SNAP91: variants seen among roughly 807,000 people sequenced by gnomAD.
SNAP91 encodes synaptosome associated protein 91, also known as clathrin coat assembly protein AP180.
SNAP91 carries 27 observed loss-of-function variants against 100.3 expected under a neutral mutation model. The ratio of observed to expected loss-of-function variants is 0.27; its 90% CI spans 0.20 to 0.37. The LOEUF (loss-of-function observed/expected upper bound fraction) is 0.37. Among genes scored for constraint, SNAP91 ranks in the 10% least tolerant of loss-of-function variants. The pLI, the probability that SNAP91 is intolerant of heterozygous loss-of-function variation, is 1.00. For synonymous variants in SNAP91, 404 were observed against 398.6 expected (o/e 1.01, Z -0.16); for missense variants, 986 against 1,123.7 (o/e 0.88, Z 1.75).
At position 83,680,649 on chromosome 6, in the gene SNAP91, C is replaced by T. The variant is rs550002717; in HGVS notation, c.131-15068G>A. Among the ~76,000 whole-genome samples the T allele has an allele frequency of 1.4e-4, 21 of 152,240 alleles. No individual in the cohort carries two copies. In the South Asian group the frequency reaches 4.1e-3, roughly 30 times the overall value. The stretch of plus-strand genomic sequence containing the variant: ...GGGTATTTTCTTGAGTTCTCTAGTG[C>T]TCAGTCTAGAACAAGTTTCTTAGCC... On this transcript the variant is annotated intron_variant, in intron 2 of 29. Transcript: ENST00000369694.
chr6:83,597,529 G>A (rs914648838), intron 16 of SNAP91, among the ~76,000 whole-genome samples: 7 of 151,990 alleles, frequency 4.6e-5, no homozygotes, highest in Non-Finnish European at 4.4e-5. Context: ...CTAGAAATGC[G>A]TGCTCCTGCT....
chr6:83,611,290 G>A, intron 11 of SNAP91: 1 of 323,334 alleles, frequency 3.1e-6, no homozygotes, highest in Non-Finnish European at 6.1e-6. Context: ...GTGGGAGCTA[G>A]GAAAAAAACA....
At chr6:83,695,946 G>A (rs1345236066) in intron 2 of SNAP91, among the ~76,000 whole-genome samples, 1 of 122,990 alleles carries the variant, frequency 8.1e-6, no homozygotes, top group Non-Finnish European at 1.6e-5. Context: ...GGGGAGGGGG[G>A]TGGGAAAGAA....
At position 83,601,591 on chromosome 6, in the gene SNAP91, C is replaced by T. The variant is rs1261051221; in HGVS notation, c.1150G>A (p.Gly384Arg). 1 of 1,613,452 alleles carries T rather than the reference C, an allele frequency of 6.2e-7. No homozygotes were observed. The highest frequency in any genetic ancestry group is 1.7e-5 in the Admixed American group (1 of 59,958). ...AAAACAAAGCTTTACTCACCCTCTCCCAAAAGGTCTACCGATGTCCATTAC... is the reference window on the plus strand; with the variant it reads ...AAAACAAAGCTTTACTCACCCTCTCTCAAAAGGTCTACCGATGTCCATTAC... ...GGATAWGDLL[G>R]EDSLAALSSV... Residue 384 changes from glycine (G) to arginine (R), a missense_variant, in exon 15 of 30, where the codon GGA becomes AGA. Gly to Arg is a moderately radical substitution (Grantham distance 125, BLOSUM62 -2). Transcript: ENST00000369694.
At chr6:83,656,619 T>C (rs889427585) in intron 7 of SNAP91, 135 bp downstream of exon 7, 2 of 538,286 alleles carry the variant, frequency 3.7e-6, no homozygotes, top group Middle Eastern at 2.7e-4. Flanking sequence ...AGTACCACCA[T>C]CTGTGGACTT....
chr6:83,590,550 TA>T (rs60546667), intron 22 of SNAP91, among the ~76,000 whole-genome samples: 27 of 144,168 alleles, frequency 1.9e-4, no homozygotes, highest in Middle Eastern at 3.6e-3. Context: ...ATCAGCTTGT[TA>T]AAAAAAAAAA....
rs745628888 is a variant in SNAP91, at chr6:83,592,431, T to G, written c.1930+24A>C. ...TCTGAAGAAAAAAAGATTCCTTAAG[T>G]GTTGATGGAGGAGAAATACGCACCC... On this transcript the variant is annotated intron_variant, in intron 21 of 29. Coordinates refer to ENST00000369694, the MANE Select transcript of SNAP91 (RefSeq NM_001242792.2). 8 of 1,514,698 alleles carry G rather than the reference T, an allele frequency of 5.3e-6. No individual in the cohort carries two copies. In the East Asian group the frequency reaches 1.8e-4, roughly 35 times the overall value. The allele number at this position is 1,514,698 out of a possible 1,614,324, so 93.8% of individuals were successfully genotyped here.
intron 26 of SNAP91, among the ~76,000 whole-genome samples, chr6:83,565,366 G>A (rs1024667556): frequency 6.6e-6 from 1 of 152,120 alleles, no homozygotes; most frequent in Admixed American, 6.6e-5. Flanking sequence ...ACTGCCATTA[G>A]TTTCCCATAT....
chr6:83,591,436 C>T (rs1447412430), intron 21 of SNAP91, 142 bp from the exon 22 acceptor site: 6 of 561,434 alleles, frequency 1.1e-5, no homozygotes, highest in Non-Finnish European at 1.9e-5. Flanking sequence ...GAAATGATCA[C>T]ATGAATTGAA....
At chr6:83,635,926 T>G (rs571947378) in intron 8 of SNAP91, among the ~76,000 whole-genome samples, 1 of 152,240 alleles carries the variant, frequency 6.6e-6, no homozygotes, top group African/African-American at 2.4e-5. Context: ...CTTTCACTTA[T>G]GAAGCTTAGT....
At chr6:83,560,423 C>T (rs1042181241) in intron 27 of SNAP91, among the ~76,000 whole-genome samples, 1 of 152,164 alleles carries the variant, frequency 6.6e-6, no homozygotes, top group Non-Finnish European at 1.5e-5. Flanking sequence ...TGGTTGGCCA[C>T]ATGGTATCCC....
At chr6:83,676,718 G>A (rs1465264415) in intron 2 of SNAP91, among the ~76,000 whole-genome samples, 1 of 152,172 alleles carries the variant, frequency 6.6e-6, no homozygotes, top group East Asian at 1.9e-4. Context: ...GGTCAGGGGA[G>A]TATTGTGAGT....
intron 11 of SNAP91, among the ~76,000 whole-genome samples, chr6:83,612,963 ACTT>A (rs1371820288): frequency 1.3e-5 from 2 of 151,998 alleles, no homozygotes; most frequent in South Asian, 2.1e-4. Context: ...AAATATTATA[ACTT>A]CTTCTATAAC....
chr6:83,620,931 C>A (rs1386141139), intron 9 of SNAP91, among the ~76,000 whole-genome samples: 1 of 151,762 alleles, frequency 6.6e-6, no homozygotes, highest in Non-Finnish European at 1.5e-5. Flanking sequence ...TCTCGATCTC[C>A]TGAACTCATG....
intron 16 of SNAP91, among the ~76,000 whole-genome samples, chr6:83,595,368 A>G (rs1276767105): frequency 6.6e-6 from 1 of 152,240 alleles, no homozygotes; most frequent in African/African-American, 2.4e-5. Context: ...TTTTAAGACT[A>G]TAAGTGTATT....
At chr6:83,591,802 TG>T (rs1224532217) in intron 21 of SNAP91, among the ~76,000 whole-genome samples, 2 of 152,232 alleles carry the variant, frequency 1.3e-5, no homozygotes, top group African/African-American at 2.4e-5. Flanking sequence ...CATCATGGAA[TG>T]TCCATGATGC....
chr6:83,689,921 T>A (rs1350061658), intron 2 of SNAP91, among the ~76,000 whole-genome samples: 3 of 152,156 alleles, frequency 2.0e-5, no homozygotes, highest in Non-Finnish European at 4.4e-5. Context: ...TCATCTTAAG[T>A]ATATTACTAT....
At chr6:83,656,956 G>A in intron 6 of SNAP91, 91 bp from the exon 7 acceptor site, 1 of 593,886 alleles carries the variant, frequency 1.7e-6, no homozygotes, top group Non-Finnish European at 2.9e-6. Context: ...TGACTACTAA[G>A]AAATTCATGA....
intron 1 of SNAP91, 51 bp from the exon 2 acceptor site, chr6:83,708,008 TCCAAGCAC>T: frequency 6.9e-7 from 1 of 1,443,070 alleles, no homozygotes; most frequent in Non-Finnish European, 9.0e-7. Context: ...GACCCTACCC[TCCAAGCAC>T]CCAGGCCTTG....
Sources: allele counts gnomAD v4.1 joint callset (sites outside exome capture counted in the v4.1 genomes callset), GRCh38; gene constraint gnomAD v4.1.1; transcripts MANE v1.5; gene names NCBI Gene and HGNC (gene_info 2026-07-23, HGNC 2026-07-21).